DMD: variants seen among roughly 807,000 people sequenced by gnomAD.
The protein encoded by DMD is mutant dystrophin.
DMD carries 63 observed loss-of-function variants against 330.1 expected under a neutral mutation model. That is an observed-to-expected ratio of 0.19 (90% CI 0.16 to 0.24). The LOEUF is 0.24. DMD is among the 10% of genes least tolerant of loss of function. DMD has a pLI of 1.00. For synonymous variants in DMD, 1,223 were observed against 959.8 expected, an observed-to-expected ratio of 1.27 and a Z score of -5.07; for missense variants, 3,344 against 2,684.1, an observed-to-expected ratio of 1.25 and a Z score of -5.43.
intron 1 of DMD, among the ~76,000 whole-genome samples, chrX:33,259,431 T>C (rs1375847797): frequency 9.2e-6 from 1 of 109,050 alleles, no homozygotes; most frequent in Non-Finnish European, 1.9e-5. Context: ...ATCATACAGG[T>C]TGAACATCTC....
At chrX:32,237,151 A>G (rs953133411) in intron 43 of DMD, among the ~76,000 whole-genome samples, 17 of 110,962 alleles carry the variant, frequency 1.5e-4, no homozygotes, top group African/African-American at 5.6e-4. Context: ...ATGCCCCAAA[A>G]TATTTTTATA....
chrX:32,737,699 TAAG>T (rs1297512239), intron 7 of DMD, among the ~76,000 whole-genome samples: 1 of 111,868 alleles, frequency 8.9e-6, no homozygotes, highest in African/African-American at 3.2e-5. Context: ...GAACACGCAA[TAAG>T]GTGTATAGGC....
intron 48 of DMD, among the ~76,000 whole-genome samples, chrX:31,862,095 T>G (rs772714991): frequency 1.0e-4 from 11 of 110,476 alleles, no homozygotes; most frequent in Non-Finnish European, 1.9e-4. Flanking sequence ...TTTTGAATTT[T>G]GTACTGGAAG....
chrX:32,101,170 T>A lies in DMD; in HGVS notation c.6438+115746A>T, dbSNP rs1411054030. ...ATACATTATATTTTGTTATATTTTG[T>A]TGCAGAACATGTTCTGAGTTTTCTT... is the stretch of plus-strand genomic sequence containing the variant. On this transcript the variant is annotated intron_variant, in intron 44 of 78. Coordinates refer to ENST00000357033, the MANE Select transcript of DMD (RefSeq NM_004006.3). 2.7e-5 allele frequency among the ~76,000 whole-genome samples: 3 copies of A among 112,157 alleles called. No individual in the cohort carries two copies. In the East Asian group the frequency reaches 8.3e-4, roughly 31 times the overall value.
chrX:31,687,422 C>G (rs2082755941), intron 52 of DMD, among the ~76,000 whole-genome samples: 1 of 110,702 alleles, frequency 9.0e-6, no homozygotes, highest in African/African-American at 3.3e-5. Flanking sequence ...TGCCTTGGGC[C>G]AGAGGGGAGC....
chrX:31,846,013 C>T (rs975104215), intron 48 of DMD, among the ~76,000 whole-genome samples: 1 of 110,311 alleles, frequency 9.1e-6, no homozygotes, highest in Non-Finnish European at 1.9e-5. Context: ...TAGGTATTCG[C>T]CTCCACAGGA....
At chrX:31,419,316 T>G (rs2063238906) in intron 60 of DMD, among the ~76,000 whole-genome samples, 1 of 106,790 alleles carries the variant, frequency 9.4e-6, no homozygotes, top group South Asian at 4.4e-4. Context: ...ATTATAATAC[T>G]AGTTAGAACA....
At chrX:33,235,704 CT>C (rs1242585747) in intron 1 of DMD, among the ~76,000 whole-genome samples, 1 of 109,844 alleles carries the variant, frequency 9.1e-6, no homozygotes, top group East Asian at 2.9e-4. Context: ...GGTCACACAG[CT>C]AGTCAATGGT....
In DMD at chrX:32,565,813, A is replaced by C. The variant is rs2149095226; in HGVS notation, c.1881T>G (p.Leu627=). The change falls in exon 16 of 79, where the codon CTT becomes CTG. Residue 627 remains leucine, a synonymous_variant. Coordinates refer to ENST00000357033, the MANE Select transcript of DMD (RefSeq NM_004006.3). ...CTGACTTATTCTTCAGTGTTGAAAGAAGATCTTGTTTGAGTGAATACAGTT... is the reference window on the plus strand; with the variant it reads ...CTGACTTATTCTTCAGTGTTGAAAGCAGATCTTGTTTGAGTGAATACAGTT... ...MGKLYSLKQD[L]LSTLKNKSVT... The C allele has an allele frequency of 1.7e-6, 2 of 1,211,488 alleles. No individual in the cohort carries two copies. The highest frequency in any genetic ancestry group is 2.2e-6 in the Non-Finnish European group (2 of 895,253).
chrX:32,155,341 G>A (rs72468604), intron 44 of DMD: 45 of 688,775 alleles, frequency 6.5e-5, no homozygotes, highest in Non-Finnish European at 7.6e-5. Flanking sequence ...CAGCTTTTAG[G>A]CACACACACA....
intron 9 of DMD, among the ~76,000 whole-genome samples, chrX:32,690,672 C>G (rs938959970): frequency 9.2e-6 from 1 of 108,261 alleles, no homozygotes; most frequent in Non-Finnish European, 1.9e-5. Context: ...CAGAATAGAG[C>G]CCAGATATAA....
chrX:31,123,824 C>T (rs374080888), intron 78 of DMD, among the ~76,000 whole-genome samples: 3 of 111,700 alleles, frequency 2.7e-5, no homozygotes, highest in Non-Finnish European at 3.8e-5. Context: ...AAAACATCAA[C>T]GAAAAGGGGA....
intron 1 of DMD, among the ~76,000 whole-genome samples, chrX:33,047,499 A>AT (rs751881107): frequency 4.5e-5 from 5 of 110,048 alleles, no homozygotes; most frequent in Non-Finnish European, 7.6e-5. Flanking sequence ...ACTACTGGCG[A>AT]TTTTTTTTTA....
intron 62 of DMD, among the ~76,000 whole-genome samples, chrX:31,306,451 C>T (rs1288804164): frequency 1.8e-5 from 2 of 111,614 alleles, no homozygotes; most frequent in Non-Finnish European, 3.8e-5. Context: ...TTTATTATTT[C>T]ATCTCCGCCT....
chrX:31,920,969 A>C (rs2094682514), intron 47 of DMD, among the ~76,000 whole-genome samples: 1 of 112,256 alleles, frequency 8.9e-6, no homozygotes, highest in Non-Finnish European at 1.9e-5. Context: ...TTTTTAAAAC[A>C]TTATTATATT....
intron 52 of DMD, among the ~76,000 whole-genome samples, chrX:31,713,645 C>T (rs1472591287): frequency 9.0e-6 from 1 of 111,650 alleles, no homozygotes; most frequent in Non-Finnish European, 1.9e-5. Context: ...TACCTTCATA[C>T]ATTGTTCATA....
chrX:32,867,173 A>G (rs2082581367), intron 2 of DMD, among the ~76,000 whole-genome samples: 1 of 110,279 alleles, frequency 9.1e-6, no homozygotes. Context: ...AGAAGTTAAA[A>G]AAAAAAAAAA....
chrX:32,683,344 G>A lies in DMD; in HGVS notation c.960+14526C>T, dbSNP rs748392708. Reference sequence around the variant, plus strand: ...TGCTGCTATAAAGATACATGTACACGTATGCTTATTGTGGCACTACTCACA... The same window carrying A: ...TGCTGCTATAAAGATACATGTACACATATGCTTATTGTGGCACTACTCACA... On this transcript the variant is annotated intron_variant, in intron 9 of 78. Coordinates refer to ENST00000357033, the MANE Select transcript of DMD (RefSeq NM_004006.3). Among the ~76,000 whole-genome samples, 6 of 110,326 alleles carry A rather than the reference G, an allele frequency of 5.4e-5. No homozygotes were observed. The South Asian group carries it at 1.2e-3, about 22-fold the overall frequency.
chrX:32,069,639 AT>A (rs1362700341), intron 44 of DMD, among the ~76,000 whole-genome samples: 2 of 112,152 alleles, frequency 1.8e-5, no homozygotes, highest in Admixed American at 1.9e-4. Context: ...ATGGTGATAG[AT>A]TAATGACTGC....
Sources: gnomAD v4.1 joint callset for allele counts (sites outside exome capture counted in the v4.1 genomes callset) on GRCh38, gnomAD v4.1.1 for gene constraint, MANE v1.5 for transcripts, NCBI Gene and HGNC (gene_info 2026-07-23, HGNC 2026-07-21) for gene names.